Variants in LRP1B observed in about 807,000 individuals in gnomAD.
LRP1B encodes the protein LDL receptor related protein 1B.
Under a neutral mutation model 556.6 loss-of-function variants are expected in LRP1B, and 217 were observed. The ratio of observed to expected loss-of-function variants is 0.39; its 90% CI spans 0.35 to 0.44. The LOEUF is 0.44. Among genes scored for constraint, LRP1B ranks in the 20% least tolerant of loss-of-function variants. The pLI is 1.00. For synonymous variants in LRP1B, 2,047 were observed against 1,865.8 expected (o/e 1.10, Z -2.50); for missense variants, 5,053 against 5,620.8 (o/e 0.90, Z 3.23).
intron 60 of LRP1B, among the ~76,000 whole-genome samples, chr2:140,470,051 G>A (rs1687699912): frequency 1.3e-5 from 2 of 152,084 alleles, no homozygotes; most frequent in Admixed American, 6.6e-5. Flanking sequence ...CCCTGTTCTT[G>A]GAATCCCATT....
intron 2 of LRP1B, among the ~76,000 whole-genome samples, chr2:141,537,100 A>G (rs150825341): frequency 2.0e-5 from 3 of 152,204 alleles, no homozygotes; most frequent in African/African-American, 7.2e-5. Context: ...AACTAAGAGC[A>G]CATGCCTCTT....
At chr2:140,924,486 G>A (rs1694830078) in intron 20 of LRP1B, among the ~76,000 whole-genome samples, 1 of 151,924 alleles carries the variant, frequency 6.6e-6, no homozygotes, top group Non-Finnish European at 1.5e-5. Context: ...TGTTCAAGAT[G>A]GACTTGACCA....
At chr2:141,474,241 T>C (rs62166300) in intron 3 of LRP1B, among the ~76,000 whole-genome samples, 1 of 151,398 alleles carries the variant, frequency 6.6e-6, no homozygotes, top group African/African-American at 2.4e-5. Flanking sequence ...TGGAGTTCTG[T>C]AAAACCTCTA....
At chr2:140,863,241 CCAAT>C (rs1299627569) in intron 27 of LRP1B, among the ~76,000 whole-genome samples, 3 of 152,160 alleles carry the variant, frequency 2.0e-5, no homozygotes, top group Non-Finnish European at 4.4e-5. Context: ...TCCTGTCTCT[CCAAT>C]CAATCCTTTA....
At chr2:140,309,712 AAAC>A (rs1185594066) in intron 83 of LRP1B, among the ~76,000 whole-genome samples, 1 of 151,850 alleles carries the variant, frequency 6.6e-6, no homozygotes, top group South Asian at 2.1e-4. Flanking sequence ...TTTTCAATGA[AAAC>A]AATAATACAT....
chr2:141,710,751 G>T (rs1692328007), intron 2 of LRP1B, among the ~76,000 whole-genome samples: 1 of 152,154 alleles, frequency 6.6e-6, no homozygotes, highest in African/African-American at 2.4e-5. Flanking sequence ...ACAAATACAG[G>T]TCATGGAGGA....
At chr2:141,856,639 G>A (rs954593648) in intron 1 of LRP1B, among the ~76,000 whole-genome samples, 3 of 152,126 alleles carry the variant, frequency 2.0e-5, no homozygotes, top group Admixed American at 1.3e-4. Context: ...TTTTAAAAAT[G>A]TGAAAACCCA....
chr2:141,013,928 TA>T (rs1401011466), intron 13 of LRP1B, among the ~76,000 whole-genome samples, 183 bp from the exon 14 acceptor site: 2 of 152,066 alleles, frequency 1.3e-5, no homozygotes, highest in Non-Finnish European at 2.9e-5. Flanking sequence ...TAGGGCATGC[TA>T]TTTGAAGGAA....
chr2:140,804,234 T>C (rs1174462535), intron 32 of LRP1B, among the ~76,000 whole-genome samples: 1 of 152,120 alleles, frequency 6.6e-6, no homozygotes, highest in East Asian at 1.9e-4. Context: ...AAATCAGATT[T>C]CAGTGTAAAT....
chr2:142,091,530 G>A (rs1369183945), intron 1 of LRP1B, among the ~76,000 whole-genome samples: 2 of 152,104 alleles, frequency 1.3e-5, no homozygotes, highest in Non-Finnish European at 2.9e-5. Flanking sequence ...ATTTGGATTT[G>A]AGTTTAAAGA....
intron 2 of LRP1B, among the ~76,000 whole-genome samples, chr2:141,752,958 A>AAAAAAAAAAAAAAAAAAAAAAAAAAAAG (rs1553459294): frequency 6.9e-6 from 1 of 144,958 alleles, no homozygotes; most frequent in Non-Finnish European, 1.5e-5. Flanking sequence ...AAAAAAAAAA[A>AAAAAAAAAAAAAAAAAAAAAAAAAAAAG]AAATTATGCT....
intron 31 of LRP1B, among the ~76,000 whole-genome samples, chr2:140,821,053 G>T (rs753521875): frequency 6.6e-6 from 1 of 151,778 alleles, no homozygotes; most frequent in Non-Finnish European, 1.5e-5. Context: ...ACTGTATGAT[G>T]AGCATAGTAC....
intron 3 of LRP1B, among the ~76,000 whole-genome samples, chr2:141,438,364 C>T (rs1234447852): frequency 1.3e-5 from 2 of 152,120 alleles, no homozygotes; most frequent in Non-Finnish European, 2.9e-5. Context: ...TTCATTCATT[C>T]ATATGTAATG....
chr2:140,630,718 T>TA (rs2105275801), intron 41 of LRP1B, among the ~76,000 whole-genome samples: 1 of 152,218 alleles, frequency 6.6e-6, no homozygotes, highest in East Asian at 1.9e-4. Flanking sequence ...AGTAAGCGTT[T>TA]AAAAAATAAA....
At chr2:142,066,541 A>G (rs902564137) in intron 1 of LRP1B, among the ~76,000 whole-genome samples, 1 of 151,498 alleles carries the variant, frequency 6.6e-6, no homozygotes, top group Non-Finnish European at 1.5e-5. Flanking sequence ...CATTAGCAAC[A>G]TCTTTAATGT....
At chr2:140,268,503 T>C (rs1261028555) in intron 86 of LRP1B, among the ~76,000 whole-genome samples, 1 of 152,000 alleles carries the variant, frequency 6.6e-6, no homozygotes, top group African/African-American at 2.4e-5. Context: ...AAACCACTAT[T>C]AGGCACTTTG....
At position 141,728,670 on chromosome 2, in the gene LRP1B, T is replaced by C. The variant is rs77261749; in HGVS notation, c.205+81609A>G. Among the ~76,000 whole-genome samples, 71 of 152,232 alleles carry C rather than the reference T, an allele frequency of 4.7e-4. No homozygotes were observed. In the East Asian group the frequency reaches 7.6e-3, roughly 16 times the overall value. ...ATTTGACTGTAGCAATGTAATACTT[T>C]GGGCCTCCTAGTAGCATCACTATTA... On this transcript the variant is annotated intron_variant, in intron 2 of 90. Coordinates refer to ENST00000389484, the MANE Select transcript of LRP1B (RefSeq NM_018557.3).
chr2:141,621,169 T>C (rs1328587263), intron 2 of LRP1B, among the ~76,000 whole-genome samples: 1 of 152,224 alleles, frequency 6.6e-6, no homozygotes, highest in East Asian at 1.9e-4. Context: ...AAATTATATA[T>C]GCCTATAATA....
chr2:141,687,974 T>G lies in LRP1B; in HGVS notation c.205+122305A>C, dbSNP rs948103846. 1.1e-4 allele frequency among the ~76,000 whole-genome samples: 16 copies of G among 150,770 alleles called. 1 individual carries two copies. Among genetic ancestry groups the G allele is most frequent in the Admixed American group, 8.7e-4 (13 of 14,976 alleles). On this transcript the variant is annotated intron_variant, in intron 2 of 90. Transcript: ENST00000389484. ...TCAAATGTAATTTTGCAATTCCAAT[T>G]TTTTAATCTTTATTTATTAATAAAT...
Sources: allele counts gnomAD v4.1 joint callset (sites outside exome capture counted in the v4.1 genomes callset), GRCh38; gene constraint gnomAD v4.1.1; transcripts MANE v1.5; gene names NCBI Gene and HGNC (gene_info 2026-07-23, HGNC 2026-07-21).